SCN8A: variants seen among roughly 807,000 people sequenced by gnomAD.
SCN8A encodes sodium voltage-gated channel alpha subunit 8.
A neutral mutation model predicts 184.1 loss-of-function variants in SCN8A; 30 were observed. The observed-to-expected ratio is 0.16, with a 90% CI of 0.12 to 0.22. The LOEUF is 0.22. SCN8A is among the 10% of genes least tolerant of loss of function. The probability of loss-of-function intolerance (pLI) is 1.00; values close to 1 mark genes in which losing one functional copy is unlikely to be tolerated. For missense variants in SCN8A, 1,057 were observed against 2,498.9 expected (o/e 0.42, Z 12.30); for synonymous variants, 852 against 907.0 (o/e 0.94, Z 1.09).
chr12:51,812,118 T>A lies in SCN8A; in HGVS notation c.*4689T>A, dbSNP rs1396129260. The A allele has an allele frequency of 1.4e-5, 2 of 145,158 alleles. No homozygotes were observed. The highest frequency in any genetic ancestry group is 4.6e-4 in the East Asian group (2 of 4,360). The allele number at this position is 145,158 out of a possible 1,614,324, so 9.0% of individuals were successfully genotyped here. ...TCCAAGATTACCAAGATTTCCTCCA[T>A]TAAAACTCCTGAGGCACCCCCTGCC... On this transcript the variant is annotated 3_prime_UTR_variant, in exon 27 of 27. Transcript: ENST00000627620.
intron 12 of SCN8A, among the ~76,000 whole-genome samples, chr12:51,743,444 G>A (rs756073409): frequency 3.1e-4 from 47 of 152,310 alleles, no homozygotes; most frequent in Admixed American, 1.0e-3. Context: ...CCACCTTGGT[G>A]GTCTTGGATA....
In SCN8A at chr12:51,591,250, G is replaced by GGCGCCCACCGCAGTC. The variant is rs1176808516; in HGVS notation, c.-163_-149dup. On this transcript the variant is annotated 5_prime_UTR_variant, in exon 1 of 27. Coordinates refer to ENST00000627620, the MANE Select transcript of SCN8A (RefSeq NM_001330260.2). ...GCGGGCGCGGGGAGCGCTCCAAGAT[G>GGCGCCCACCGCAGTC]GCGCCCACCGCAGTCCCGCCCGCCG... 9 of 152,142 alleles carry GGCGCCCACCGCAGTC rather than the reference G, an allele frequency of 5.9e-5. No individual in the cohort carries two copies. In the East Asian group the frequency reaches 1.4e-3, roughly 23 times the overall value. The allele number at this position is 152,142 out of a possible 1,614,324, so 9.4% of individuals were successfully genotyped here. A position where few individuals can be genotyped will look rare whatever the true frequency, so the allele number is the denominator to read the frequency against.
chr12:51,693,639 C>T (rs1227242777), intron 6 of SCN8A, among the ~76,000 whole-genome samples: 1 of 152,130 alleles, frequency 6.6e-6, no homozygotes, highest in African/African-American at 2.4e-5. Context: ...ATAGTGCGAT[C>T]TTGTCTCTTA....
intron 26 of SCN8A, among the ~76,000 whole-genome samples, chr12:51,797,858 T>C (rs964241803): frequency 6.6e-6 from 1 of 152,144 alleles, no homozygotes; most frequent in African/African-American, 2.4e-5. Flanking sequence ...ATGGAATCAT[T>C]GTTGTGTCTC....
chr12:51,639,043 C>A (rs1434305360), intron 1 of SCN8A, among the ~76,000 whole-genome samples: 1 of 150,988 alleles, frequency 6.6e-6, no homozygotes, highest in African/African-American at 2.4e-5. Context: ...TGCAGTGGTG[C>A]AATTATGGCT....
intron 1 of SCN8A, among the ~76,000 whole-genome samples, chr12:51,615,832 C>T (rs953050165): frequency 6.6e-6 from 1 of 152,154 alleles, no homozygotes; most frequent in Non-Finnish European, 1.5e-5. Flanking sequence ...ATCCTCTCAC[C>T]TCAGCCTCCT....
intron 21 of SCN8A, among the ~76,000 whole-genome samples, chr12:51,784,211 T>C (rs1200505904): frequency 1.3e-5 from 2 of 152,220 alleles, no homozygotes; most frequent in Non-Finnish European, 2.9e-5. Flanking sequence ...CTTAACATAT[T>C]GCAGCTTATC....
chr12:51,785,981 CT>C (rs983099662), intron 21 of SCN8A, among the ~76,000 whole-genome samples: 2 of 151,592 alleles, frequency 1.3e-5, no homozygotes, highest in Non-Finnish European at 2.9e-5. Flanking sequence ...GGGAATATAG[CT>C]TTTTTTTTCT....
chr12:51,765,852 A>G lies in SCN8A; in HGVS notation c.2726A>G (p.Asn909Ser), dbSNP rs776493877. Reference protein sequence around the residue: ...KSYKECVCKINQDCELPRWHM... With the variant: ...KSYKECVCKISQDCELPRWHM... ...TACAAAGAGTGTGTCTGCAAGATCA[A>G]CCAGGACTGTGAACTCCCTCGCTGG... is the stretch of plus-strand genomic sequence containing the variant. The change falls in exon 16 of 27, where the codon AAC becomes AGC. Residue 909 changes from asparagine to serine, a missense_variant. Around this residue, in one of 19 missense-constraint regions of SCN8A, gnomAD observed 66 missense variants for 310.6 expected, o/e 0.21. Transcript: ENST00000627620. The G allele has an allele frequency of 3.7e-6, 6 of 1,614,022 alleles. No individual in the cohort carries two copies. The highest frequency in any genetic ancestry group is 3.3e-4 in the Middle Eastern group (2 of 6,062).
At chr12:51,788,572 A>G in intron 22 of SCN8A, 123 bp from the exon 23 acceptor site, 1 of 532,068 alleles carries the variant, frequency 1.9e-6, no homozygotes, top group Non-Finnish European at 3.2e-6. Context: ...TGTCCAAGGG[A>G]GGCTGCACCC....
chr12:51,596,992 G>A (rs1167716198), intron 1 of SCN8A, among the ~76,000 whole-genome samples: 3 of 152,146 alleles, frequency 2.0e-5, no homozygotes, highest in Non-Finnish European at 2.9e-5. Context: ...TGATGGGTAC[G>A]GGCAGCAAGT....
intron 1 of SCN8A, among the ~76,000 whole-genome samples, chr12:51,642,714 T>C (rs1396274219): frequency 2.6e-5 from 4 of 151,696 alleles, no homozygotes; most frequent in Non-Finnish European, 5.9e-5. Context: ...GTTGAAGCTG[T>C]ACCTCAGGCC....
chr12:51,734,913 G>C, intron 12 of SCN8A, among the ~76,000 whole-genome samples: 1 of 152,232 alleles, frequency 6.6e-6, no homozygotes, highest in Non-Finnish European at 1.5e-5. Context: ...TAATTTGTCT[G>C]CAGCGCCTTT....
chr12:51,755,126 A>G (rs1488740426), intron 14 of SCN8A, among the ~76,000 whole-genome samples: 1 of 152,236 alleles, frequency 6.6e-6, no homozygotes, highest in Non-Finnish European at 1.5e-5. Context: ...ATAGTACATC[A>G]TGTGGCTTAA....
chr12:51,622,896 T>C (rs1230026151), intron 1 of SCN8A, among the ~76,000 whole-genome samples: 1 of 152,202 alleles, frequency 6.6e-6, no homozygotes, highest in Non-Finnish European at 1.5e-5. Context: ...TTTATTGAGT[T>C]GTTAATTTGT....
intron 1 of SCN8A, among the ~76,000 whole-genome samples, chr12:51,632,104 G>C (rs1168248542): frequency 6.6e-6 from 1 of 152,148 alleles, no homozygotes; most frequent in Admixed American, 6.5e-5. Context: ...GGCTGGCCAG[G>C]TTTTGTTGCC....
Position 51,699,955 on chromosome 12 carries a change from T to C in SCN8A, c.928+164T>C, listed in dbSNP as rs111372870. On this transcript the variant is annotated intron_variant, in intron 7 of 26. Transcript: ENST00000627620. ...GCTGAGGCAGGTGGATCACCTGAGA[T>C]TGGGAGTTTGAGACCAGCCTGACCA... Among the ~76,000 whole-genome samples, 2,053 of 151,996 alleles carry C rather than the reference T, an allele frequency of 0.014. 23 individuals are homozygous for C. The highest frequency in any genetic ancestry group is 0.021 in the Non-Finnish European group (1,409 of 67,950).
intron 6 of SCN8A, among the ~76,000 whole-genome samples, chr12:51,693,253 T>C (rs1941540797): frequency 6.6e-6 from 1 of 152,240 alleles, no homozygotes; most frequent in Admixed American, 6.5e-5. Context: ...GGTTATTCTC[T>C]TGCCTTTGTA....
At position 51,786,556 on chromosome 12, in the gene SCN8A, C is replaced by G; in HGVS notation, c.3957C>G (p.Ala1319=). The part of the protein sequence containing the change: ...RFEGMRVVVN[A]LVGAIPSIMN... ...TTCCAATGCAGGTGGTGGTGAATGC[C>G]TTGGTGGGCGCCATCCCCTCCATCA... The change falls in exon 22 of 27, where the codon GCC becomes GCG. Residue 1319 remains alanine (A), a synonymous_variant. Transcript: ENST00000627620. 6.2e-7 allele frequency: 1 copy of G among 1,614,142 alleles called. No individual in the cohort carries two copies. Among genetic ancestry groups the G allele is most frequent in the Non-Finnish European group, 8.5e-7 (1 of 1,180,014 alleles).
Sources: allele counts gnomAD v4.1 joint callset (sites outside exome capture counted in the v4.1 genomes callset), GRCh38; gene constraint gnomAD v4.1.1; regional missense constraint gnomAD v4.1.1; transcripts MANE v1.5; gene names NCBI Gene and HGNC (gene_info 2026-07-23, HGNC 2026-07-21).